Variants in UTP4 observed in about 807,000 individuals in gnomAD.
UTP4 encodes the protein UTP4 small subunit processome component, also known as U3 small nucleolar RNA-associated protein 4 homolog.
A neutral mutation model predicts 82.4 loss-of-function variants in UTP4; 45 were observed. The ratio of observed to expected loss-of-function variants is 0.55; its 90% CI spans 0.43 to 0.70. UTP4 has a LOEUF of 0.70. Among genes scored for constraint, UTP4 ranks in the 30% least tolerant of loss-of-function variants. The pLI is 0.00. For synonymous variants in UTP4, 348 were observed against 300.3 expected, an observed-to-expected ratio of 1.16 and a Z score of -1.64; for missense variants, 819 against 858.3, an observed-to-expected ratio of 0.95 and a Z score of 0.57.
intron 6 of UTP4, among the ~76,000 whole-genome samples, chr16:69,143,677 A>G (rs1963029528): frequency 1.3e-5 from 2 of 152,192 alleles, no homozygotes; most frequent in Non-Finnish European, 2.9e-5. Context: ...AGCAGCCTAG[A>G]AGAATCTGGA....
intron 6 of UTP4, among the ~76,000 whole-genome samples, chr16:69,148,208 G>A (rs888043076): frequency 2.6e-5 from 4 of 152,088 alleles, no homozygotes; most frequent in Middle Eastern, 3.4e-3. Context: ...TGATCTGCCC[G>A]CCTCGGCCTC....
At chr16:69,160,226 G>A (rs2152283035) in intron 12 of UTP4, 130 bp from the exon 13 acceptor site, 2 of 790,048 alleles carry the variant, frequency 2.5e-6, no homozygotes, top group East Asian at 4.8e-5. Flanking sequence ...AATTTGCACA[G>A]TGATCAGCAA....
intron 15 of UTP4, chr16:69,166,814 A>G (rs1963713832): frequency 2.0e-6 from 1 of 494,488 alleles, no homozygotes; most frequent in African/African-American, 1.9e-5. Flanking sequence ...TGCCTCATAC[A>G]CCCACCCTCT....
Position 69,144,132 on chromosome 16 carries a change from C to T in UTP4, c.738+743C>T, listed in dbSNP as rs142965488. 1.1e-3 allele frequency among the ~76,000 whole-genome samples: 171 copies of T among 152,168 alleles called. 1 individual carries two copies. The highest frequency in any genetic ancestry group is 4.0e-3 in the African/African-American group (166 of 41,506). On this transcript the variant is annotated intron_variant, in intron 6 of 16. Transcript: ENST00000314423. ...CGAACTCCTGACCTCAGGTGATCCA[C>T]CCACCTCGGCCTCCCAAAGTGCTGG...
chr16:69,132,826 T>A (rs1418450530), intron 1 of UTP4, 137 bp downstream of exon 1: 1 of 216,680 alleles, frequency 4.6e-6, no homozygotes, highest in Non-Finnish European at 9.4e-6. Context: ...GGGGCTACTC[T>A]GTAGACTCGG....
In UTP4 at chr16:69,153,622, C is replaced by T. The variant is rs181963483; in HGVS notation, c.1041C>T (p.Leu347=). Residue 347 remains leucine (L), a synonymous_variant, in exon 9 of 17, where the codon CTC becomes CTT. Coordinates refer to ENST00000314423, the MANE Select transcript of UTP4 (RefSeq NM_032830.3). ...CCTGTTCTAAAAAGAGGCAGCTTCT[C>T]CTCTTCCAGTTTGCTCATCACTTAG... ...LISCSKKRQL[L]LFQFAHHLEL... 1 of 1,613,604 alleles carries T rather than the reference C, an allele frequency of 6.2e-7. No homozygotes were observed. Among genetic ancestry groups the T allele is most frequent in the African/African-American group, 1.3e-5 (1 of 75,030 alleles).
At chr16:69,161,904 C>G (rs1018915540) in intron 13 of UTP4, among the ~76,000 whole-genome samples, 1 of 151,778 alleles carries the variant, frequency 6.6e-6, no homozygotes, top group Non-Finnish European at 1.5e-5. Context: ...TCAAGCGTTC[C>G]TCCCGCCCTG....
Position 69,143,163 on chromosome 16 carries a change from T to A in UTP4, c.527-15T>A. The A allele has an allele frequency of 6.2e-7, 1 of 1,613,038 alleles. No homozygotes were observed. The highest frequency in any genetic ancestry group is 1.1e-5 in the South Asian group (1 of 91,070). On this transcript the variant is annotated splice_polypyrimidine_tract_variant and intron_variant, in intron 5 of 16. Coordinates refer to ENST00000314423, the MANE Select transcript of UTP4 (RefSeq NM_032830.3). Reference sequence around the variant, plus strand: ...AATAAGTACCATTTGAAGGTGTGCTTTTCTGATTTTTCAGGCAGCGCTGTT... The same window carrying A: ...AATAAGTACCATTTGAAGGTGTGCTATTCTGATTTTTCAGGCAGCGCTGTT...
At chr16:69,152,379 G>T (rs1369740200) in intron 8 of UTP4, among the ~76,000 whole-genome samples, 1 of 151,608 alleles carries the variant, frequency 6.6e-6, no homozygotes, top group African/African-American at 2.4e-5. Flanking sequence ...TCTGCTTCTT[G>T]AGCTCAAGCA....
chr16:69,158,613 T>C (rs1316194686), intron 12 of UTP4, among the ~76,000 whole-genome samples: 2 of 152,210 alleles, frequency 1.3e-5, no homozygotes, highest in Non-Finnish European at 2.9e-5. Context: ...ATTTATCTTA[T>C]ATCTAGCTCT....
chr16:69,137,667 T>A (rs1243003852), intron 3 of UTP4, 134 bp from the exon 4 acceptor site: 3 of 654,586 alleles, frequency 4.6e-6, no homozygotes, highest in Non-Finnish European at 8.2e-6. Flanking sequence ...TGATTTTTCT[T>A]TTTCACGGCA....
intron 12 of UTP4, among the ~76,000 whole-genome samples, chr16:69,159,716 G>C (rs1597150564): frequency 6.6e-6 from 1 of 151,716 alleles, no homozygotes; most frequent in East Asian, 1.9e-4. Context: ...GGCCAGGCAC[G>C]GTGGCTCACG....
At chr16:69,155,560 G>C (rs944695049) in intron 10 of UTP4, among the ~76,000 whole-genome samples, 3 of 152,108 alleles carry the variant, frequency 2.0e-5, no homozygotes, top group Admixed American at 2.0e-4. Context: ...CTATCCTCCA[G>C]AGCTTTCCTT....
chr16:69,163,882 TTG>T (rs1182817976), intron 14 of UTP4, among the ~76,000 whole-genome samples: 4 of 141,446 alleles, frequency 2.8e-5, no homozygotes, highest in African/African-American at 8.0e-5. Flanking sequence ...GATGGTCAGT[TTG>T]TTTTTTTTTT....
chr16:69,136,650 C>T (rs774523993), intron 2 of UTP4, 46 bp from the exon 3 acceptor site: 24 of 1,587,104 alleles, frequency 1.5e-5, no homozygotes, highest in Middle Eastern at 1.8e-4. Context: ...AGTACCGGTA[C>T]CTGATGAATT....
At chr16:69,142,421 C>T (rs1962983543) in intron 5 of UTP4, 1 of 157,854 alleles carries the variant, frequency 6.3e-6, no homozygotes, top group Non-Finnish European at 1.4e-5. Flanking sequence ...GATAGCCCTC[C>T]TCAGACAACG....
At position 69,150,871 on chromosome 16, in the gene UTP4, C is replaced by G. The variant is rs148894405; in HGVS notation, c.969C>G (p.Tyr323Ter). 1.9e-6 allele frequency: 3 copies of G among 1,614,088 alleles called. No individual in the cohort carries two copies. Among genetic ancestry groups the G allele is most frequent in the East Asian group, 2.2e-5 (1 of 44,880 alleles). Residue 323 changes from tyrosine to a stop codon, truncating the protein, a stop_gained, in exon 8 of 17, where the codon TAC becomes TAG. Coordinates refer to ENST00000314423, the MANE Select transcript of UTP4 (RefSeq NM_032830.3). LOFTEE classifies it high-confidence loss of function. ...PLMEKVEVKN[Y>*]DAALRKITFP... Reference sequence around the variant, plus strand: ...TGGAGAAGGTGGAAGTAAAGAATTACGATGCCGCTCTCCGAAAAATCACCT... The same window carrying G: ...TGGAGAAGGTGGAAGTAAAGAATTAGGATGCCGCTCTCCGAAAAATCACCT...
Position 69,142,512 on chromosome 16 carries a change from C to T in UTP4, c.527-666C>T, listed in dbSNP as rs185505321. Among the ~76,000 whole-genome samples, 23 of 152,304 alleles carry T rather than the reference C, an allele frequency of 1.5e-4. 1 individual carries two copies. The East Asian group carries it at 4.4e-3, about 29-fold the overall frequency. On this transcript the variant is annotated intron_variant, in intron 5 of 16. Coordinates refer to ENST00000314423, the MANE Select transcript of UTP4 (RefSeq NM_032830.3). ...CATGGCTATCTGAGGGGTCTACCAG[C>T]TGTTAACGGATCCCTCTTTGAAGCC...
chr16:69,163,894 T>G (rs1052508662), intron 14 of UTP4, among the ~76,000 whole-genome samples: 4 of 149,204 alleles, frequency 2.7e-5, no homozygotes, highest in South Asian at 2.1e-4. Flanking sequence ...GTTTTTTTTT[T>G]TTTTTTTTTG....
Sources: allele counts gnomAD v4.1 joint callset (sites outside exome capture counted in the v4.1 genomes callset), GRCh38; gene constraint gnomAD v4.1.1; transcripts MANE v1.5; gene names NCBI Gene and HGNC (gene_info 2026-07-23, HGNC 2026-07-21).